Variants in RMDN2 observed in about 807,000 individuals in gnomAD.
RMDN2 encodes regulator of microtubule dynamics 2.
A neutral mutation model predicts 52.8 loss-of-function variants in RMDN2; 61 were observed. The ratio of observed to expected loss-of-function variants is 1.16; its 90% CI spans 0.94 to 1.43. RMDN2 has a LOEUF of 1.43. Among genes scored for constraint, RMDN2 ranks in the 40% most tolerant of loss-of-function variants. RMDN2 has a pLI of 0.00. For missense variants in RMDN2, 592 were observed against 475.3 expected, an observed-to-expected ratio of 1.25 and a Z score of -2.28; for synonymous variants, 180 against 153.1, an observed-to-expected ratio of 1.18 and a Z score of -1.30.
At position 37,993,533 on chromosome 2, in the gene RMDN2, C is replaced by T. The variant is rs116426108; in HGVS notation, c.945+2236C>T. Among the ~76,000 whole-genome samples, 1,449 of 150,362 alleles carry T rather than the reference C, an allele frequency of 9.6e-3. 27 individuals carry two copies. The highest frequency in any genetic ancestry group is 0.034 in the African/African-American group (1,368 of 40,826). ...AACCTACAGAAAAAAAAAAAAATAA[C>T]AATAAGGGGAACAGCCAAAGGCCAG... On this transcript the variant is annotated intron_variant, in intron 7 of 10. Coordinates refer to ENST00000354545, the MANE Select transcript of RMDN2 (RefSeq NM_001170791.3).
chr2:38,025,548 C>A (rs1377930756), intron 10 of RMDN2, among the ~76,000 whole-genome samples: 2 of 152,032 alleles, frequency 1.3e-5, no homozygotes, highest in Non-Finnish European at 2.9e-5. Context: ...ATTTTAATTT[C>A]TGATCTGAGG....
intron 2 of RMDN2, among the ~76,000 whole-genome samples, chr2:37,972,323 G>A (rs1236984183): frequency 6.6e-6 from 1 of 152,002 alleles, no homozygotes; most frequent in African/African-American, 2.4e-5. Context: ...AATATGCAAA[G>A]AAATAAACTA....
chr2:38,030,505 AC>A (rs1280007885), intron 10 of RMDN2: 3 of 152,198 alleles, frequency 2.0e-5, no homozygotes, highest in African/African-American at 4.8e-5. Flanking sequence ...GTAAAAGATG[AC>A]TGATGATGTT....
chr2:37,963,407 T>C (rs1572832569), intron 2 of RMDN2, among the ~76,000 whole-genome samples: 1 of 148,950 alleles, frequency 6.7e-6, no homozygotes, highest in Non-Finnish European at 1.5e-5. Context: ...GGAGGGAAGG[T>C]CAGCAGATAA....
chr2:38,048,029 T>A lies in RMDN2; in HGVS notation c.1714-18953T>A, dbSNP rs78834000. Among the ~76,000 whole-genome samples, 740 of 152,372 alleles carry A rather than the reference T, an allele frequency of 4.9e-3. 5 individuals are homozygous for A. The highest frequency in any genetic ancestry group is 0.016 in the African/African-American group (650 of 41,590). ...AAGGATTGAGGTTAGCCAGATGTGC[T>A]GATTACCTGAGATGTAACACAACTT... On this transcript the variant is annotated intron_variant, in intron 10 of 10. Coordinates refer to the RMDN2 transcript ENST00000234195.
At chr2:38,067,011 T>C in exon 11 of RMDN2, 1 of 1,613,566 alleles carries the variant, frequency 6.2e-7, no homozygotes, top group Non-Finnish European at 8.5e-7. Context: ...AAAGAGCCTT[T>C]GGTACCGCAA....
intron 2 of RMDN2, chr2:37,951,197 T>G (rs1479368079): frequency 6.7e-7 from 1 of 1,503,560 alleles, no homozygotes; most frequent in African/African-American, 1.4e-5. Context: ...CTGCTCCCTA[T>G]TTTTTTTCCT....
intron 7 of RMDN2, among the ~76,000 whole-genome samples, chr2:37,995,888 A>G (rs1675468162): frequency 6.6e-6 from 1 of 152,236 alleles, no homozygotes; most frequent in Non-Finnish European, 1.5e-5. Context: ...TTCTTTTTAT[A>G]AAAATTGTAA....
At chr2:38,054,995 C>T (rs1416998722) in intron 10 of RMDN2, among the ~76,000 whole-genome samples, 1 of 152,138 alleles carries the variant, frequency 6.6e-6, no homozygotes, top group Non-Finnish European at 1.5e-5. Flanking sequence ...CAGAAAGTTA[C>T]CAGAAATGTC....
chr2:38,016,167 A>G (rs963642346), intron 10 of RMDN2, among the ~76,000 whole-genome samples: 1 of 152,244 alleles, frequency 6.6e-6, no homozygotes. Flanking sequence ...ACTAGAGACT[A>G]TACTGAATGC....
chr2:38,061,623 C>T (rs1195785873), intron 10 of RMDN2, among the ~76,000 whole-genome samples: 1 of 102,192 alleles, frequency 9.8e-6, no homozygotes, highest in African/African-American at 3.6e-5. Context: ...ACAGTGCCCC[C>T]TCACACACAG....
chr2:38,056,095 T>C (rs1429537036), intron 10 of RMDN2, among the ~76,000 whole-genome samples: 1 of 152,148 alleles, frequency 6.6e-6, no homozygotes, highest in Non-Finnish European at 1.5e-5. Flanking sequence ...TCACATTCAT[T>C]CAAACAGATA....
chr2:37,996,509 A>G lies in RMDN2; in HGVS notation c.946-907A>G, dbSNP rs1455743229. On this transcript the variant is annotated intron_variant, in intron 7 of 10. Coordinates refer to ENST00000354545, the MANE Select transcript of RMDN2 (RefSeq NM_001170791.3). Reference sequence around the variant, plus strand: ...CTGAAGTGGGAGGATTGTTGAGCCCAGGAGGTCGAGGCTGCAGTGAGCCAT... The same window carrying G: ...CTGAAGTGGGAGGATTGTTGAGCCCGGGAGGTCGAGGCTGCAGTGAGCCAT... Among the ~76,000 whole-genome samples the G allele has an allele frequency of 2.0e-5, 3 of 149,544 alleles. No homozygotes were observed. In the Admixed American group the frequency reaches 2.0e-4, roughly 10 times the overall value.
chr2:38,035,499 C>A (rs1680510876), intron 10 of RMDN2, among the ~76,000 whole-genome samples: 1 of 151,970 alleles, frequency 6.6e-6, no homozygotes, highest in African/African-American at 2.4e-5. Context: ...AGAAGTCAAG[C>A]AATGAGGGGC....
At chr2:37,980,504 A>C (rs1350790431) in intron 4 of RMDN2, among the ~76,000 whole-genome samples, 3 of 152,092 alleles carry the variant, frequency 2.0e-5, no homozygotes, top group South Asian at 2.1e-4. Context: ...GGGTTTCGCC[A>C]TGTTGGCCAG....
chr2:38,066,931 C>T, intron 10 of RMDN2: 2 of 1,605,630 alleles, frequency 1.2e-6, no homozygotes, highest in Non-Finnish European at 1.7e-6. Flanking sequence ...GCCAAAGTTT[C>T]AATGCCATTT....
intron 10 of RMDN2, 68 bp downstream of exon 10, chr2:38,004,284 A>G: frequency 1.0e-6 from 1 of 1,002,730 alleles, no homozygotes; most frequent in Non-Finnish European, 1.6e-6. Flanking sequence ...AACAGGAATA[A>G]CTCGCTTAGA....
At chr2:38,049,753 A>G (rs914576987) in intron 10 of RMDN2, among the ~76,000 whole-genome samples, 37 of 152,022 alleles carry the variant, frequency 2.4e-4, no homozygotes, top group Non-Finnish European at 1.5e-5. Context: ...TTTATTTTGT[A>G]GAGATGGGGT....
chr2:37,958,787 C>T (rs1263261763), intron 2 of RMDN2, among the ~76,000 whole-genome samples: 4 of 150,676 alleles, frequency 2.7e-5, no homozygotes, highest in African/African-American at 1.0e-4. Context: ...TCACAAATAG[C>T]TCTTATTATT....
Sources: gnomAD v4.1 joint callset for allele counts (sites outside exome capture counted in the v4.1 genomes callset) on GRCh38, gnomAD v4.1.1 for gene constraint, MANE v1.5 for transcripts, NCBI Gene and HGNC (gene_info 2026-07-23, HGNC 2026-07-21) for gene names.